ITIH5: variants seen among roughly 807,000 people sequenced by gnomAD.
ITIH5 encodes inter-alpha-trypsin inhibitor heavy chain H5.
Under a neutral mutation model 77.5 loss-of-function variants are expected in ITIH5, and 65 were observed. The observed-to-expected ratio is 0.84, with a 90% CI of 0.69 to 1.03. ITIH5 has a LOEUF of 1.03. Ranked by LOEUF, ITIH5 falls within the 50% of genes least tolerant of loss-of-function variation. The probability of loss-of-function intolerance (pLI) is 0.00; values close to 1 mark genes in which losing one functional copy is unlikely to be tolerated. For missense variants in ITIH5, 1,208 were observed against 1,213.1 expected (o/e 1.00, Z 0.06); for synonymous variants, 525 against 494.3 (o/e 1.06, Z -0.82).
At chr10:7,573,426 G>A (rs372254170) in intron 10 of ITIH5, among the ~76,000 whole-genome samples, 159 of 151,950 alleles carry the variant, frequency 1.0e-3, no homozygotes, top group African/African-American at 3.7e-3. Context: ...CAGTGCTTCC[G>A]GAGGCCAAGG....
chr10:7,622,897 C>T (rs1309287073), intron 5 of ITIH5, among the ~76,000 whole-genome samples: 3 of 152,140 alleles, frequency 2.0e-5, no homozygotes, highest in African/African-American at 7.2e-5. Context: ...TTTATAAGTG[C>T]CATTAAATAT....
At chr10:7,623,260 C>T (rs1406622743) in intron 5 of ITIH5, among the ~76,000 whole-genome samples, 1 of 152,166 alleles carries the variant, frequency 6.6e-6, no homozygotes, top group Non-Finnish European at 1.5e-5. Flanking sequence ...AAAAGGATTT[C>T]CCAACACACG....
chr10:7,597,905 AT>A (rs57906694), intron 7 of ITIH5, among the ~76,000 whole-genome samples: 44,308 of 149,842 alleles, frequency 0.3, 8,004 homozygotes, highest in African/African-American at 0.52. Context: ...AAATAATCAG[AT>A]TTTTTTTTTT....
intron 13 of ITIH5, among the ~76,000 whole-genome samples, chr10:7,564,949 C>T (rs999091107): frequency 1.4e-5 from 2 of 146,180 alleles, no homozygotes; most frequent in African/African-American, 2.5e-5. Flanking sequence ...CATACATACA[C>T]AGACTGTATA....
At chr10:7,582,834 G>A (rs1010610418) in intron 8 of ITIH5, among the ~76,000 whole-genome samples, 5 of 152,186 alleles carry the variant, frequency 3.3e-5, no homozygotes, top group East Asian at 3.8e-4. Context: ...GGTTTCCAGA[G>A]GCTGGGCAGG....
intron 7 of ITIH5, among the ~76,000 whole-genome samples, chr10:7,596,424 C>G (rs933338179): frequency 8.5e-5 from 13 of 152,230 alleles, no homozygotes; most frequent in African/African-American, 2.7e-4. Flanking sequence ...CTCCCACTTC[C>G]ATCGGGTACC....
At chr10:7,612,426 T>C (rs1348325287) in intron 7 of ITIH5, among the ~76,000 whole-genome samples, 1 of 152,236 alleles carries the variant, frequency 6.6e-6, no homozygotes, top group Non-Finnish European at 1.5e-5. Context: ...CCCATTCTCA[T>C]AGAAGCTTCT....
chr10:7,617,086 A>G (rs369840073), intron 6 of ITIH5, 27 bp downstream of exon 6: 3 of 1,468,494 alleles, frequency 2.0e-6, no homozygotes, highest in Non-Finnish European at 2.7e-6. Context: ...ACCAACCAAC[A>G]TGAAATAGCA....
chr10:7,576,934 G>A lies in ITIH5; in HGVS notation c.1497C>T (p.Thr499=), dbSNP rs138882052. The A allele has an allele frequency of 2.4e-5, 38 of 1,614,186 alleles. No individual in the cohort carries two copies. In the African/African-American group the frequency reaches 4.8e-4, roughly 20 times the overall value. ...TGAAGTAGTTGGGGAACAGGGTCTT[G>A]GTGGCCTGCACCACTGAGCTGGGGG... The part of the protein sequence containing the change: ...DYPPSSVVQA[T]KTLFPNYFNG... Residue 499 remains threonine (T), a synonymous_variant, in exon 10 of 14, where the codon ACC becomes ACT. Coordinates refer to ENST00000397146, the MANE Select transcript of ITIH5 (RefSeq NM_030569.7).
chr10:7,563,186 T>C lies in ITIH5; in HGVS notation c.2726A>G (p.Asn909Ser). The C allele has an allele frequency of 1.2e-6, 2 of 1,614,238 alleles. No individual in the cohort carries two copies. The highest frequency in any genetic ancestry group is 1.7e-6 in the Non-Finnish European group (2 of 1,180,036). Residue 909 changes from asparagine (N) to serine (S), a missense_variant, in exon 14 of 14, where the codon AAC becomes AGC. By Grantham distance (46) the Asn-to-Ser change is conservative. Coordinates refer to ENST00000397146, the MANE Select transcript of ITIH5 (RefSeq NM_030569.7). ...CCCGTCAATCAGTTTGGCGGCATTG[T>C]TCCTGGCAAACCAGCAGTCTATCTG... ...EEQIDCWFARNNAAKLIDGEY... is the reference protein window; with the variant it reads ...EEQIDCWFARSNAAKLIDGEY...
At chr10:7,645,845 G>C (rs984855444) in intron 2 of ITIH5, among the ~76,000 whole-genome samples, 1 of 152,158 alleles carries the variant, frequency 6.6e-6, no homozygotes, top group Non-Finnish European at 1.5e-5. Context: ...ATACATTTCA[G>C]TAAAGGCAAT....
intron 7 of ITIH5, among the ~76,000 whole-genome samples, chr10:7,603,807 TCTC>T (rs907060028): frequency 6.6e-6 from 1 of 152,130 alleles, no homozygotes; most frequent in African/African-American, 2.4e-5. Flanking sequence ...ATGGTCCCGA[TCTC>T]CTGACCTTGT....
chr10:7,610,716 G>C (rs7098843), intron 7 of ITIH5, among the ~76,000 whole-genome samples: 14,348 of 152,204 alleles, frequency 0.094, 915 homozygotes, highest in African/African-American at 0.18. Context: ...TAGTACTGTG[G>C]CCTTGGAGAT....
intron 11 of ITIH5, chr10:7,571,833 G>T: frequency 3.1e-6 from 1 of 324,408 alleles, no homozygotes; most frequent in Non-Finnish European, 4.4e-6. Context: ...AAAAAAGTCC[G>T]TACACATTCA....
Position 7,616,007 on chromosome 10 carries a change from G to A in ITIH5, c.914C>T (p.Ser305Phe). 6.2e-7 allele frequency: 1 copy of A among 1,611,126 alleles called. No homozygotes were observed. Among genetic ancestry groups the A allele is most frequent in the Non-Finnish European group, 8.5e-7 (1 of 1,177,290 alleles). Reference protein sequence around the residue: ...NVVFVLDSSASMVGTKLRQTK... With the variant: ...NVVFVLDSSAFMVGTKLRQTK... The stretch of plus-strand genomic sequence containing the variant: ...CTGCCGGAGTTTGGTTCCCACCATA[G>A]AAGCACTGCTGTCAAGCACGAATAC... The change falls in exon 7 of 14, where the codon TCT (serine) becomes TTT (phenylalanine). Residue 305 changes from serine (S) to phenylalanine (F), a missense_variant. Physicochemically the swap from Ser to Phe is radical, Grantham distance 155. Coordinates refer to ENST00000397146, the MANE Select transcript of ITIH5 (RefSeq NM_030569.7).
chr10:7,601,575 T>G (rs1833016488), intron 7 of ITIH5, among the ~76,000 whole-genome samples: 2 of 152,152 alleles, frequency 1.3e-5, no homozygotes, highest in African/African-American at 4.8e-5. Context: ...TGGTATCCAG[T>G]AGCCAGCATC....
At position 7,581,790 on chromosome 10, in the gene ITIH5, G is replaced by T. The variant is rs111999720; in HGVS notation, c.1109-1726C>A. On this transcript the variant is annotated intron_variant, in intron 8 of 13. Transcript: ENST00000397146. ...TTGCCCAGGCTGGTCTCGAACTCCT[G>T]GGCTCAAGCAGTTCTCCCACCTCAA... Among the ~76,000 whole-genome samples, 392 of 136,534 alleles carry T rather than the reference G, an allele frequency of 2.9e-3. 4 individuals are homozygous for T. Among genetic ancestry groups the T allele is most frequent in the African/African-American group, 0.01 (377 of 36,820 alleles). The allele number at this position is 136,534 out of a possible 152,430, so 89.6% of individuals were successfully genotyped here.
At chr10:7,632,910 A>G (rs1295158073) in intron 5 of ITIH5, among the ~76,000 whole-genome samples, 1 of 152,250 alleles carries the variant, frequency 6.6e-6, no homozygotes, top group Non-Finnish European at 1.5e-5. Flanking sequence ...TGCCAAAAAA[A>G]GTATTGGAAT....
At chr10:7,659,324 G>A (rs7895890) in intron 1 of ITIH5, among the ~76,000 whole-genome samples, 71,762 of 151,666 alleles carry the variant, frequency 0.47, 17,229 homozygotes, top group African/African-American at 0.53. Context: ...GGTTGCAGTG[G>A]GCCGAGATCA....
Sources: gnomAD v4.1 joint callset for allele counts (sites outside exome capture counted in the v4.1 genomes callset) on GRCh38, gnomAD v4.1.1 for gene constraint, MANE v1.5 for transcripts, NCBI Gene and HGNC (gene_info 2026-07-23, HGNC 2026-07-21) for gene names.